The following EFNA5 variants were observed in gnomAD, a reference collection of about 807,000 sequenced individuals.
EFNA5 encodes ephrin-A5.
Under a neutral mutation model 22.9 loss-of-function variants are expected in EFNA5, and 5 were observed. The observed-to-expected ratio is 0.22, with a 90% CI of 0.11 to 0.46. The LOEUF (loss-of-function observed/expected upper bound fraction) is 0.46. Among genes scored for constraint, EFNA5 ranks in the 20% least tolerant of loss-of-function variants. EFNA5 has a pLI of 0.99. For missense variants in EFNA5, 237 were observed against 293.3 expected, an observed-to-expected ratio of 0.81 and a Z score of 1.40; for synonymous variants, 113 against 112.2, an observed-to-expected ratio of 1.01 and a Z score of -0.04.
chr5:107,593,489 G>A (rs1039893815), intron 1 of EFNA5, among the ~76,000 whole-genome samples: 5 of 152,178 alleles, frequency 3.3e-5, no homozygotes, highest in Non-Finnish European at 7.3e-5. Flanking sequence ...CCTAAGACAT[G>A]TCCAGTTTTG....
At chr5:107,487,749 C>G (rs570372800) in intron 1 of EFNA5, among the ~76,000 whole-genome samples, 1 of 152,314 alleles carries the variant, frequency 6.6e-6, no homozygotes, top group East Asian at 1.9e-4. Context: ...TCTTATTCCC[C>G]CTTGGACTGT....
intron 1 of EFNA5, among the ~76,000 whole-genome samples, chr5:107,654,536 C>T (rs559809351): frequency 6.6e-6 from 1 of 152,194 alleles, no homozygotes; most frequent in African/African-American, 2.4e-5. Flanking sequence ...AGACTTTGTT[C>T]CTTTTGCTTA....
chr5:107,645,164 T>C (rs1023279238), intron 1 of EFNA5, among the ~76,000 whole-genome samples: 11 of 152,332 alleles, frequency 7.2e-5, no homozygotes, highest in African/African-American at 2.6e-4. Flanking sequence ...ATGCCATGAC[T>C]TACAAATGTC....
intron 1 of EFNA5, among the ~76,000 whole-genome samples, chr5:107,481,061 G>A (rs1048990380): frequency 6.6e-6 from 1 of 152,194 alleles, no homozygotes; most frequent in African/African-American, 2.4e-5. Context: ...ACTGTTCTAG[G>A]ATCCAGAGGT....
chr5:107,507,063 T>C (rs908698287), intron 1 of EFNA5, among the ~76,000 whole-genome samples: 3 of 152,182 alleles, frequency 2.0e-5, no homozygotes, highest in Admixed American at 6.5e-5. Flanking sequence ...AAAGTTTGTA[T>C]GTGAAGGTCA....
chr5:107,444,781 A>G (rs1035016359), intron 1 of EFNA5, among the ~76,000 whole-genome samples: 1 of 152,138 alleles, frequency 6.6e-6, no homozygotes, highest in African/African-American at 2.4e-5. Flanking sequence ...AAAACTGGCA[A>G]AAGGACACAG....
intron 1 of EFNA5, among the ~76,000 whole-genome samples, chr5:107,462,554 T>C (rs1749862016): frequency 2.0e-5 from 3 of 152,148 alleles, no homozygotes; most frequent in Non-Finnish European, 2.9e-5. Context: ...GTAGAGCTAA[T>C]ATGTTCTTTC....
chr5:107,495,853 T>G (rs1308007206), intron 1 of EFNA5, among the ~76,000 whole-genome samples: 6 of 152,178 alleles, frequency 3.9e-5, no homozygotes, highest in African/African-American at 1.4e-4. Flanking sequence ...TCAGTTTGCC[T>G]GGAAGTGGAT....
At chr5:107,390,774 GAATA>G (rs1747774098) in intron 2 of EFNA5, among the ~76,000 whole-genome samples, 1 of 152,012 alleles carries the variant, frequency 6.6e-6, no homozygotes, top group African/African-American at 2.4e-5. Flanking sequence ...CTTAGAAAAT[GAATA>G]GTCGATGTTG....
At position 107,460,006 on chromosome 5, in the gene EFNA5, G is replaced by A. The variant is rs562412374; in HGVS notation, c.126-32497C>T. Among the ~76,000 whole-genome samples the A allele has an allele frequency of 2.5e-3, 384 of 152,170 alleles. 2 individuals carry two copies. The highest frequency in any genetic ancestry group is 8.9e-3 in the African/African-American group (370 of 41,548). Reference sequence around the variant, plus strand: ...TAGGAACTGTTTAACCACTGCAGAGGTAACATTTTTAGGGCAATTTTGGCT... The same window carrying A: ...TAGGAACTGTTTAACCACTGCAGAGATAACATTTTTAGGGCAATTTTGGCT... On this transcript the variant is annotated intron_variant, in intron 1 of 4. Transcript: ENST00000333274.
chr5:107,533,428 T>C (rs1470457065), intron 1 of EFNA5, among the ~76,000 whole-genome samples: 1 of 152,160 alleles, frequency 6.6e-6, no homozygotes, highest in Non-Finnish European at 1.5e-5. Context: ...GGTAATCCAC[T>C]CCTGAAAAAG....
intron 1 of EFNA5, among the ~76,000 whole-genome samples, chr5:107,508,360 GCT>G (rs1342073675): frequency 6.6e-6 from 1 of 152,180 alleles, no homozygotes; most frequent in African/African-American, 2.4e-5. Flanking sequence ...TATAGAAGCA[GCT>G]CTCTGGATAA....
rs1749340341 is a variant in EFNA5, at chr5:107,591,891, TTATATATAATATATAATATA to T, written c.125+78578_125+78597del. Among the ~76,000 whole-genome samples, 8 of 17,086 alleles carry T rather than the reference TTATATATAATATATAATATA, an allele frequency of 4.7e-4. 1 individual carries two copies. Among genetic ancestry groups the T allele is most frequent in the African/African-American group, 3.3e-3 (8 of 2,404 alleles). The allele number at this position is 17,086 out of a possible 152,430, so 11.2% of individuals were successfully genotyped here. A position where few individuals can be genotyped will look rare whatever the true frequency, so the allele number is the denominator to read the frequency against. On this transcript the variant is annotated intron_variant, in intron 1 of 4. Transcript: ENST00000333274. ...ATATATATAATATATAATATATATA[TTATATATAATATATAATATA>T]AAAAATATATATATAATATATAATA...
At chr5:107,439,978 G>T (rs1008633785) in intron 1 of EFNA5, among the ~76,000 whole-genome samples, 1 of 152,114 alleles carries the variant, frequency 6.6e-6, no homozygotes, top group Non-Finnish European at 1.5e-5. Context: ...CACATTTATT[G>T]GTGGCCTGTG....
At chr5:107,617,761 A>C (rs1749953606) in intron 1 of EFNA5, among the ~76,000 whole-genome samples, 1 of 152,176 alleles carries the variant, frequency 6.6e-6, no homozygotes, top group East Asian at 1.9e-4. Flanking sequence ...TTGCGGCTAG[A>C]GTGAAATTCA....
chr5:107,491,088 G>A (rs531530604), intron 1 of EFNA5, among the ~76,000 whole-genome samples: 6 of 152,292 alleles, frequency 3.9e-5, no homozygotes, highest in Middle Eastern at 3.4e-3. Flanking sequence ...GAGAGCACAT[G>A]TGTTATCAGA....
chr5:107,433,410 A>G (rs1695374224), intron 1 of EFNA5, among the ~76,000 whole-genome samples: 1 of 152,216 alleles, frequency 6.6e-6, no homozygotes, highest in Non-Finnish European at 1.5e-5. Context: ...GTTCTTGATA[A>G]ACCAGAGGCC....
rs1202730803 is a variant in EFNA5 at position 107,377,505 on chromosome 5, G to A, written c.*3750C>T. On this transcript the variant is annotated 3_prime_UTR_variant, in exon 5 of 5. Transcript: ENST00000333274. ...AACTCTGAGAGCAATGAATGGAAAGGAGGAGTTGAAAACTGTTTTTCTAAT... is the reference window on the plus strand; with the variant it reads ...AACTCTGAGAGCAATGAATGGAAAGAAGGAGTTGAAAACTGTTTTTCTAAT... The A allele has an allele frequency of 6.6e-6, 1 of 152,162 alleles. No individual in the cohort carries two copies. Among genetic ancestry groups the A allele is most frequent in the African/African-American group, 2.4e-5 (1 of 41,438 alleles). The allele number at this position is 152,162 out of a possible 1,614,324, so 9.4% of individuals were successfully genotyped here.
intron 1 of EFNA5, among the ~76,000 whole-genome samples, chr5:107,645,256 G>T (rs951172661): frequency 3.9e-5 from 6 of 152,136 alleles, no homozygotes; most frequent in African/African-American, 1.4e-4. Flanking sequence ...GGGACATAAA[G>T]ATCAGTAAAT....
Sources: allele counts gnomAD v4.1 joint callset (sites outside exome capture counted in the v4.1 genomes callset), GRCh38; gene constraint gnomAD v4.1.1; transcripts MANE v1.5; gene names NCBI Gene and HGNC (gene_info 2026-07-23, HGNC 2026-07-21).